The following TINAG variants were observed in gnomAD, a reference collection of about 807,000 sequenced individuals.
The protein encoded by TINAG is tubulointerstitial nephritis antigen.
In TINAG, 83 loss-of-function variants were observed where a neutral mutation model predicts 72.7. The ratio of observed to expected loss-of-function variants is 1.14; its 90% confidence interval spans 0.96 to 1.37. TINAG has a LOEUF of 1.37. Among genes scored for constraint, TINAG ranks in the 40% most tolerant of loss-of-function variants. The pLI is 0.00. For synonymous variants in TINAG, 234 were observed against 189.9 expected, an observed-to-expected ratio of 1.23 and a Z score of -1.91; for missense variants, 685 against 576.6, an observed-to-expected ratio of 1.19 and a Z score of -1.93.
intron 9 of TINAG, among the ~76,000 whole-genome samples, chr6:54,359,610 G>C: frequency 6.6e-6 from 1 of 151,748 alleles, no homozygotes; most frequent in East Asian, 1.9e-4. Flanking sequence ...AGTTGCAATA[G>C]TGAATTCACT....
At chr6:54,359,968 C>T (rs964288955) in intron 9 of TINAG, among the ~76,000 whole-genome samples, 2 of 151,700 alleles carry the variant, frequency 1.3e-5, no homozygotes, top group African/African-American at 4.8e-5. Flanking sequence ...CTGTTTGCTG[C>T]GCTTTTTGTA....
Position 54,308,706 on chromosome 6 carries a change from C to T in TINAG, c.156C>T (p.Phe52=). ...LQGTRFKRAI[F]QGQYCRNFGC... ...GTACTCGATTCAAAAGAGCCATTTT[C>T]CAAGGGCAATACTGTAGAAATTTTG... The change falls in exon 1 of 11, where the codon TTC becomes TTT. Residue 52 remains phenylalanine (F), a synonymous_variant. Coordinates refer to ENST00000259782, the MANE Select transcript of TINAG (RefSeq NM_014464.4). The T allele has an allele frequency of 6.2e-7, 1 of 1,613,866 alleles. No homozygotes were observed. The highest frequency in any genetic ancestry group is 1.7e-4 in the Middle Eastern group (1 of 6,058).
In TINAG at chr6:54,347,816, A is replaced by C. The variant is rs557325787; in HGVS notation, c.899+299A>C. On this transcript the variant is annotated intron_variant, in intron 6 of 10. Coordinates refer to ENST00000259782, the MANE Select transcript of TINAG (RefSeq NM_014464.4). The stretch of plus-strand genomic sequence containing the variant: ...GTTGTTCTGAGCCAAGTGAGTCCCC[A>C]CAGGCAGAATAAAATAATCAGGGTT... 2.6e-5 allele frequency among the ~76,000 whole-genome samples: 4 copies of C among 152,222 alleles called. No individual in the cohort carries two copies. In the East Asian group the frequency reaches 7.7e-4, roughly 29 times the overall value.
At chr6:54,344,625 A>G (rs1395269204) in intron 5 of TINAG, among the ~76,000 whole-genome samples, 1 of 152,180 alleles carries the variant, frequency 6.6e-6, no homozygotes, top group Non-Finnish European at 1.5e-5. Context: ...GTATTTCTGA[A>G]GATATCTAAA....
At chr6:54,351,200 T>A (rs1785257192) in intron 7 of TINAG, 152 bp from the exon 8 acceptor site, 3 of 629,818 alleles carry the variant, frequency 4.8e-6, no homozygotes, top group East Asian at 6.3e-5. Flanking sequence ...GTGCATCTTG[T>A]CTTTAACAAT....
At chr6:54,372,832 A>C (rs1763671933) in intron 9 of TINAG, among the ~76,000 whole-genome samples, 1 of 150,760 alleles carries the variant, frequency 6.6e-6, no homozygotes, top group South Asian at 2.1e-4. Context: ...GTTTTGTTAA[A>C]AGGCATATGT....
At chr6:54,329,684 G>A (rs917433627) in intron 4 of TINAG, among the ~76,000 whole-genome samples, 4 of 152,018 alleles carry the variant, frequency 2.6e-5, no homozygotes, top group Non-Finnish European at 5.9e-5. Flanking sequence ...CTGGCAAATT[G>A]GATAAAGAGT....
chr6:54,338,648 T>G (rs1459773263), intron 4 of TINAG, among the ~76,000 whole-genome samples: 2 of 132,372 alleles, frequency 1.5e-5, no homozygotes, highest in African/African-American at 5.8e-5. Context: ...CATTTGAAAC[T>G]GGGAGGCGGA....
At chr6:54,372,572 T>C (rs1199744127) in intron 9 of TINAG, among the ~76,000 whole-genome samples, 2 of 151,942 alleles carry the variant, frequency 1.3e-5, no homozygotes, top group Non-Finnish European at 2.9e-5. Context: ...TTCTGACTTC[T>C]GTCAACTGAA....
chr6:54,309,474 T>C (rs1387468320), intron 1 of TINAG, among the ~76,000 whole-genome samples: 1 of 152,162 alleles, frequency 6.6e-6, no homozygotes, highest in African/African-American at 2.4e-5. Flanking sequence ...TTTGCTTCAT[T>C]TGTTTTTCCA....
intron 1 of TINAG, among the ~76,000 whole-genome samples, chr6:54,310,898 C>CCTCT (rs1562142941): frequency 2.6e-5 from 1 of 38,820 alleles, no homozygotes; most frequent in African/African-American, 1.5e-4. Flanking sequence ...TATTTCTCTC[C>CCTCT]CTCTTTCTCT....
chr6:54,373,695 T>C (rs1763697377), intron 9 of TINAG, among the ~76,000 whole-genome samples: 1 of 152,070 alleles, frequency 6.6e-6, no homozygotes, highest in African/African-American at 2.4e-5. Flanking sequence ...GAATATTCCA[T>C]AAAATTTTAT....
chr6:54,333,654 C>T (rs1784797178), intron 4 of TINAG, among the ~76,000 whole-genome samples: 1 of 151,790 alleles, frequency 6.6e-6, no homozygotes, highest in East Asian at 1.9e-4. Flanking sequence ...AATTGATAAT[C>T]CAGAAAAAGA....
chr6:54,340,466 C>T (rs181035214), intron 4 of TINAG, among the ~76,000 whole-genome samples: 31 of 151,878 alleles, frequency 2.0e-4, no homozygotes, highest in African/African-American at 7.0e-4. Flanking sequence ...TTCCTAACAG[C>T]CATTATTCTG....
intron 9 of TINAG, among the ~76,000 whole-genome samples, chr6:54,358,573 G>A (rs1471774829): frequency 6.6e-6 from 1 of 151,162 alleles, no homozygotes; most frequent in Non-Finnish European, 1.5e-5. Flanking sequence ...AATTAGAGGA[G>A]ATAGCTGAGG....
intron 4 of TINAG, among the ~76,000 whole-genome samples, chr6:54,332,147 C>T (rs1268327527): frequency 6.6e-6 from 1 of 152,032 alleles, no homozygotes; most frequent in Non-Finnish European, 1.5e-5. Context: ...GAAAAGAGAT[C>T]CCATATAGCC....
chr6:54,332,514 C>T (rs1420303365), intron 4 of TINAG, among the ~76,000 whole-genome samples: 2 of 152,034 alleles, frequency 1.3e-5, no homozygotes, highest in African/African-American at 2.4e-5. Flanking sequence ...CCATAAAAAC[C>T]CTAGCAGAAA....
intron 5 of TINAG, among the ~76,000 whole-genome samples, chr6:54,343,776 G>A (rs1785058809): frequency 6.6e-6 from 1 of 151,958 alleles, no homozygotes; most frequent in Non-Finnish European, 1.5e-5. Flanking sequence ...AATTTGATGT[G>A]AAGTAAGACT....
intron 1 of TINAG, among the ~76,000 whole-genome samples, chr6:54,316,682 G>T (rs1784380305): frequency 6.6e-6 from 1 of 152,150 alleles, no homozygotes; most frequent in African/African-American, 2.4e-5. Flanking sequence ...AATTCAAGAA[G>T]TGAAGTTTTG....
Sources: allele counts gnomAD v4.1 joint callset (sites outside exome capture counted in the v4.1 genomes callset), GRCh38; gene constraint gnomAD v4.1.1; transcripts MANE v1.5; gene names NCBI Gene and HGNC (gene_info 2026-07-23, HGNC 2026-07-21).